Variants in MTUS2 observed in about 807,000 individuals in gnomAD.
MTUS2 encodes microtubule associated scaffold protein 2.
MTUS2 carries 40 observed loss-of-function variants against 114.1 expected under a neutral mutation model. The observed-to-expected ratio is 0.35, with a 90% CI of 0.27 to 0.46. The LOEUF (loss-of-function observed/expected upper bound fraction) is 0.46, where lower values mean the gene tolerates loss of function less well. Ranked by LOEUF, MTUS2 falls within the 20% of genes least tolerant of loss-of-function variation. The pLI, the probability that MTUS2 is intolerant of heterozygous loss-of-function variation, is 1.00. For missense variants in MTUS2, 1,679 were observed against 1,705.4 expected, an observed-to-expected ratio of 0.98 and a Z score of 0.27; for synonymous variants, 688 against 672.0, an observed-to-expected ratio of 1.02 and a Z score of -0.37.
chr13:29,453,634 T>C (rs938074181), intron 9 of MTUS2, among the ~76,000 whole-genome samples: 3 of 152,198 alleles, frequency 2.0e-5, no homozygotes, highest in East Asian at 3.8e-4. Context: ...TAGGAGTCAG[T>C]GAACAAATGA....
intron 2 of MTUS2, among the ~76,000 whole-genome samples, chr13:28,998,822 T>G (rs1263660028): frequency 1.3e-5 from 2 of 152,198 alleles, no homozygotes; most frequent in African/African-American, 2.4e-5. Flanking sequence ...TTAACTTCTT[T>G]GCCATTGGTT....
At chr13:29,031,861 C>CGTGG (rs1373364658) in intron 3 of MTUS2, among the ~76,000 whole-genome samples, 1 of 152,002 alleles carries the variant, frequency 6.6e-6, no homozygotes, top group Non-Finnish European at 1.5e-5. Context: ...TCTGTCTCCA[C>CGTGG]GGCACACTAT....
chr13:28,928,449 A>C (rs9551572), intron 2 of MTUS2, among the ~76,000 whole-genome samples: 1 of 152,236 alleles, frequency 6.6e-6, no homozygotes, highest in African/African-American at 2.4e-5. Context: ...AAAAATCTAA[A>C]TAGACATTTC....
At chr13:29,221,778 A>T (rs117072262) in intron 5 of MTUS2, among the ~76,000 whole-genome samples, 5 of 151,702 alleles carry the variant, frequency 3.3e-5, no homozygotes, top group Non-Finnish European at 5.9e-5. Context: ...CATTTCCATT[A>T]TTGTTTGTGC....
Position 29,126,151 on chromosome 13 carries a change from G to A in MTUS2, c.2644+25181G>A, listed in dbSNP as rs574692129. Reference sequence around the variant, plus strand: ...ATACCAAAAATGAGGTTGGTGGGCTGTCCTCATACCTGCACTTCCTCTTTC... The same window carrying A: ...ATACCAAAAATGAGGTTGGTGGGCTATCCTCATACCTGCACTTCCTCTTTC... On this transcript the variant is annotated intron_variant, in intron 5 of 15. Coordinates refer to ENST00000612955, the MANE Select transcript of MTUS2 (RefSeq NM_001033602.4). 2.6e-5 allele frequency among the ~76,000 whole-genome samples: 4 copies of A among 152,226 alleles called. No individual in the cohort carries two copies. The South Asian group carries it at 8.3e-4, about 32-fold the overall frequency.
chr13:28,991,088 C>T (rs1258419609), intron 2 of MTUS2, among the ~76,000 whole-genome samples: 1 of 152,186 alleles, frequency 6.6e-6, no homozygotes, highest in Non-Finnish European at 1.5e-5. Context: ...CGCATATTTA[C>T]AAGCTGCTGC....
chr13:28,929,212 T>C (rs1881485034), intron 2 of MTUS2, among the ~76,000 whole-genome samples: 1 of 152,024 alleles, frequency 6.6e-6, no homozygotes. Context: ...TAGGTAGAAA[T>C]GTACAGTTAG....
At chr13:29,356,613 G>A (rs1869764117) in intron 7 of MTUS2, among the ~76,000 whole-genome samples, 1 of 152,198 alleles carries the variant, frequency 6.6e-6, no homozygotes. Flanking sequence ...AGCTATAGAA[G>A]TAGTAACAAA....
chr13:29,307,690 G>GACC lies in MTUS2; in HGVS notation c.2807-16920_2807-16918dup, dbSNP rs1473439590. ...CGCTGGGGCTAGCATTGCCCTCAAC[G>GACC]ACCACTTTTTCAAGCTCATTTCCTG... On this transcript the variant is annotated intron_variant, in intron 6 of 15. Transcript: ENST00000612955. 4 of 1,139,046 alleles carry GACC rather than the reference G, an allele frequency of 3.5e-6. No homozygotes were observed. In the African/African-American group the frequency reaches 6.0e-5, roughly 17 times the overall value. The allele number at this position is 1,139,046 out of a possible 1,614,324, so 70.6% of individuals were successfully genotyped here. A position where few individuals can be genotyped will look rare whatever the true frequency, so the allele number is the denominator to read the frequency against.
chr13:29,327,850 A>C (rs1900592912), intron 7 of MTUS2, among the ~76,000 whole-genome samples: 1 of 152,214 alleles, frequency 6.6e-6, no homozygotes, highest in African/African-American at 2.4e-5. Context: ...CATTTTCAAC[A>C]GTTGTATATG....
At chr13:29,031,237 G>GGTGTGTGTGA (rs1555287206) in intron 3 of MTUS2, among the ~76,000 whole-genome samples, 1 of 122,886 alleles carries the variant, frequency 8.1e-6, no homozygotes, top group Non-Finnish European at 1.7e-5. Context: ...AGAACTAATA[G>GGTGTGTGTGA]GTGTGTGTGT....
At chr13:29,091,087 C>T (rs1370517048) in intron 4 of MTUS2, among the ~76,000 whole-genome samples, 1 of 152,104 alleles carries the variant, frequency 6.6e-6, no homozygotes, top group Non-Finnish European at 1.5e-5. Flanking sequence ...ACCTCCTCCT[C>T]ATCAGCCCCA....
intron 5 of MTUS2, among the ~76,000 whole-genome samples, chr13:29,159,693 G>A (rs2139072635): frequency 6.6e-6 from 1 of 152,090 alleles, no homozygotes; most frequent in South Asian, 2.1e-4. Context: ...GATATGAGCA[G>A]CCATCTCACT....
chr13:29,167,895 T>C (rs1893385684), intron 5 of MTUS2, among the ~76,000 whole-genome samples: 1 of 152,196 alleles, frequency 6.6e-6, no homozygotes, highest in African/African-American at 2.4e-5. Context: ...GTATTATTCA[T>C]GTATGCATAA....
At chr13:29,449,381 A>G (rs765302814) in intron 9 of MTUS2, among the ~76,000 whole-genome samples, 3 of 152,196 alleles carry the variant, frequency 2.0e-5, no homozygotes, top group Non-Finnish European at 4.4e-5. Flanking sequence ...GAGATGATTT[A>G]CCATTCATGG....
Position 29,034,036 on chromosome 13 carries a change from T to G in MTUS2, c.2357T>G (p.Leu786Arg), listed in dbSNP as rs1280696492. 2 of 1,614,028 alleles carry G rather than the reference T, an allele frequency of 1.2e-6. No individual in the cohort carries two copies. The highest frequency in any genetic ancestry group is 2.2e-5 in the South Asian group (2 of 91,080). The change falls in exon 4 of 16, where the codon CTG becomes CGG. Residue 786 changes from leucine to arginine, a missense_variant. By Grantham distance (102) the Leu-to-Arg change is moderately radical. Around this residue, in one of 3 missense-constraint regions of MTUS2, gnomAD observed 822 missense variants for 899.7 expected, o/e 0.91. Transcript: ENST00000612955. ...TTACCATCTGCAAAGAGCAGGATTC[T>G]GATTGCAAGTCAGAGGTCTTCAGCG... ...SRLPSAKSRI[L>R]IASQRSSASA... is the part of the protein sequence containing the mutation.
rs151048850 is a variant in MTUS2, at chr13:29,320,834, C to T, written c.2807-3779C>T. On this transcript the variant is annotated intron_variant, in intron 6 of 15. Coordinates refer to ENST00000612955, the MANE Select transcript of MTUS2 (RefSeq NM_001033602.4). The stretch of plus-strand genomic sequence containing the variant: ...AAGAAATGAGGACTGAGCTGAGGTA[C>T]AAAGTGAGAATGAATCAGGGGCCAG... Among the ~76,000 whole-genome samples the T allele has an allele frequency of 1.3e-3, 194 of 152,224 alleles. 1 individual carries two copies. Among genetic ancestry groups the T allele is most frequent in the African/African-American group, 4.4e-3 (184 of 41,532 alleles).
At chr13:29,185,459 C>G (rs568719899) in intron 5 of MTUS2, among the ~76,000 whole-genome samples, 23 of 152,260 alleles carry the variant, frequency 1.5e-4, no homozygotes, top group Non-Finnish European at 3.1e-4. Context: ...AGCATAAACT[C>G]AAATAGAACC....
chr13:29,277,612 C>T (rs1185564644), intron 5 of MTUS2, among the ~76,000 whole-genome samples: 1 of 152,206 alleles, frequency 6.6e-6, no homozygotes, highest in Admixed American at 6.5e-5. Context: ...CCTCACGTGG[C>T]AGACAGTGGA....
Sources: gnomAD v4.1 joint callset for allele counts (sites outside exome capture counted in the v4.1 genomes callset) on GRCh38, gnomAD v4.1.1 for gene constraint, gnomAD v4.1.1 regional missense constraint, MANE v1.5 for transcripts, NCBI Gene and HGNC (gene_info 2026-07-23, HGNC 2026-07-21) for gene names.